The following SCN11A variants were observed in gnomAD, a reference collection of about 807,000 sequenced individuals.
The protein encoded by SCN11A is sodium channel protein type 11 subunit alpha.
A neutral mutation model predicts 162.2 loss-of-function variants in SCN11A; 122 were observed. The ratio of observed to expected loss-of-function variants is 0.75; its 90% CI spans 0.65 to 0.87. The LOEUF (loss-of-function observed/expected upper bound fraction) is 0.87. Ranked by LOEUF, SCN11A falls within the 40% of genes least tolerant of loss-of-function variation. The probability of loss-of-function intolerance (pLI) is 0.00; values close to 1 mark genes in which losing one functional copy is unlikely to be tolerated. For missense variants in SCN11A, 2,015 were observed against 2,181.6 expected, an observed-to-expected ratio of 0.92 and a Z score of 1.52; for synonymous variants, 758 against 751.5, an observed-to-expected ratio of 1.01 and a Z score of -0.14.
chr3:39,018,261 C>G (rs2031348041), intron 2 of SCN11A, among the ~76,000 whole-genome samples: 1 of 152,186 alleles, frequency 6.6e-6, no homozygotes, highest in South Asian at 2.1e-4. Flanking sequence ...CTGCCAAATA[C>G]TAGAAAAGAA....
chr3:39,004,370 G>A (rs560029385), intron 2 of SCN11A, among the ~76,000 whole-genome samples: 20 of 152,102 alleles, frequency 1.3e-4, no homozygotes, highest in Non-Finnish European at 1.5e-4. Context: ...ATTCTGTTCC[G>A]CTGGTCTGTG....
At chr3:38,849,257 C>CCTTTTT (rs1389887858) in intron 29 of SCN11A, 1 of 69,866 alleles carries the variant, frequency 1.4e-5, no homozygotes, top group African/African-American at 6.5e-5. Flanking sequence ...TTTTCTAGCC[C>CCTTTTT]TTTTTTTTTT....
At chr3:38,926,381 T>C (rs554627738) in intron 8 of SCN11A, among the ~76,000 whole-genome samples, 36 of 152,310 alleles carry the variant, frequency 2.4e-4, no homozygotes, top group African/African-American at 8.4e-4. Flanking sequence ...GACAGCTTAA[T>C]ACATGTATAG....
In SCN11A at chr3:38,975,578, G is replaced by A. The variant is rs115245633; in HGVS notation, c.-279-15155C>T. ...TGTTAAAACACTTGCTCAACAAATT[G>A]TTCAACTTCTTTAGCAAGCTGAGCA... On this transcript the variant is annotated intron_variant, in intron 2 of 29. Transcript: ENST00000302328. 3.6e-3 allele frequency among the ~76,000 whole-genome samples: 545 copies of A among 152,304 alleles called. 1 individual carries two copies. The highest frequency in any genetic ancestry group is 0.012 in the African/African-American group (517 of 41,562).
intron 7 of SCN11A, among the ~76,000 whole-genome samples, chr3:38,935,539 G>T (rs924071876): frequency 6.6e-6 from 1 of 152,150 alleles, no homozygotes; most frequent in African/African-American, 2.4e-5. Context: ...AAATGATAAA[G>T]GGGATATCAC....
intron 2 of SCN11A, among the ~76,000 whole-genome samples, chr3:39,022,166 A>G (rs1483003169): frequency 6.6e-6 from 1 of 152,228 alleles, no homozygotes; most frequent in African/African-American, 2.4e-5. Context: ...TCAGAGGGCC[A>G]AAAACTCCAC....
At chr3:38,951,474 A>G (rs2066615484) in intron 4 of SCN11A, among the ~76,000 whole-genome samples, 2 of 152,308 alleles carry the variant, frequency 1.3e-5, no homozygotes, top group African/African-American at 4.8e-5. Flanking sequence ...CCTCCCCGAC[A>G]AGCACCGCCC....
intron 28 of SCN11A, among the ~76,000 whole-genome samples, chr3:38,851,508 T>C (rs565672878): frequency 6.6e-6 from 1 of 152,350 alleles, no homozygotes; most frequent in South Asian, 2.1e-4. Context: ...GTCTACCATA[T>C]GCAGTGAAAT....
chr3:38,926,667 C>G (rs1160843275), intron 8 of SCN11A, 136 bp downstream of exon 8: 6 of 895,246 alleles, frequency 6.7e-6, no homozygotes, highest in Non-Finnish European at 1.0e-5. Flanking sequence ...CAGGGCCAAC[C>G]AACACAGCAC....
chr3:39,012,635 C>T (rs958744589), intron 2 of SCN11A, among the ~76,000 whole-genome samples: 4 of 152,010 alleles, frequency 2.6e-5, no homozygotes, highest in Admixed American at 1.3e-4. Flanking sequence ...CATGTGCCAC[C>T]GTACCCAGCT....
chr3:39,016,906 C>T (rs1245351007), intron 2 of SCN11A, among the ~76,000 whole-genome samples: 3 of 152,072 alleles, frequency 2.0e-5, no homozygotes, highest in Admixed American at 6.5e-5. Context: ...CCCAGCCAGC[C>T]TTCATTTTTA....
At chr3:39,027,644 A>G (rs2031624635) in intron 2 of SCN11A, among the ~76,000 whole-genome samples, 1 of 152,096 alleles carries the variant, frequency 6.6e-6, no homozygotes, top group Admixed American at 6.5e-5. Flanking sequence ...ACATCTCACA[A>G]ACCCGACTGG....
chr3:39,025,223 T>C (rs2031558871), intron 2 of SCN11A, among the ~76,000 whole-genome samples: 1 of 152,052 alleles, frequency 6.6e-6, no homozygotes. Context: ...GAGACCTTGG[T>C]TCTGAGGCTG....
intron 9 of SCN11A, among the ~76,000 whole-genome samples, chr3:38,923,798 C>A (rs4345016): frequency 2.0e-5 from 3 of 151,966 alleles, no homozygotes; most frequent in African/African-American, 4.8e-5. Flanking sequence ...AAAGATGAGT[C>A]GGGGGAGCAG....
intron 29 of SCN11A, chr3:38,850,125 G>A (rs75145682): frequency 0.034 from 6,387 of 188,654 alleles, 150 homozygotes; most frequent in South Asian, 0.06. Context: ...ATGCTCATAG[G>A]GCTTATAGTT....
intron 2 of SCN11A, among the ~76,000 whole-genome samples, chr3:38,983,756 G>A (rs190974931): frequency 5.3e-5 from 8 of 152,274 alleles, no homozygotes; most frequent in Admixed American, 3.3e-4. Flanking sequence ...ATGGTTTTAC[G>A]AAAGAACTAT....
chr3:38,934,023 C>T (rs1458083792), intron 7 of SCN11A, among the ~76,000 whole-genome samples: 1 of 152,206 alleles, frequency 6.6e-6, no homozygotes, highest in Non-Finnish European at 1.5e-5. Context: ...AACAGCAGAC[C>T]TCTCGGCAGA....
intron 13 of SCN11A, 24 bp from the exon 14 acceptor site, chr3:38,908,146 A>G: frequency 6.2e-7 from 1 of 1,602,536 alleles, no homozygotes; most frequent in Non-Finnish European, 8.5e-7. Flanking sequence ...AAAAGCAATT[A>G]AAGAACAGAT....
chr3:38,858,783 T>C (rs2064915337), intron 28 of SCN11A, among the ~76,000 whole-genome samples: 1 of 151,946 alleles, frequency 6.6e-6, no homozygotes, highest in Non-Finnish European at 1.5e-5. Context: ...ACAAAACAAG[T>C]CATAATAAAT....
Sources: allele counts gnomAD v4.1 joint callset (sites outside exome capture counted in the v4.1 genomes callset), GRCh38; gene constraint gnomAD v4.1.1; transcripts MANE v1.5; gene names NCBI Gene and HGNC (gene_info 2026-07-23, HGNC 2026-07-21).